Variants in CUX2 observed in about 807,000 individuals in gnomAD.
CUX2 encodes homeobox protein cut-like 2.
A neutral mutation model predicts 144.8 loss-of-function variants in CUX2; 40 were observed. The observed-to-expected ratio is 0.28, with a 90% CI of 0.21 to 0.36. The LOEUF (loss-of-function observed/expected upper bound fraction) is 0.36. Among genes scored for constraint, CUX2 ranks in the 10% least tolerant of loss-of-function variants. The pLI, the probability that CUX2 is intolerant of heterozygous loss-of-function variation, is 1.00. For synonymous variants in CUX2, 827 were observed against 875.6 expected, an observed-to-expected ratio of 0.94 and a Z score of 0.98; for missense variants, 1,615 against 1,994.0, an observed-to-expected ratio of 0.81 and a Z score of 3.62.
At chr12:111,126,964 C>T (rs957933947) in intron 1 of CUX2, among the ~76,000 whole-genome samples, 2 of 152,228 alleles carry the variant, frequency 1.3e-5, no homozygotes, top group Non-Finnish European at 1.5e-5. Context: ...GTGATGTTTA[C>T]TCTTTTCCTT....
chr12:111,217,088 C>T (rs1257848315), intron 2 of CUX2, among the ~76,000 whole-genome samples: 4 of 152,122 alleles, frequency 2.6e-5, no homozygotes, highest in Admixed American at 1.3e-4. Context: ...TTCCCTCTTA[C>T]GTGCCGGGGA....
chr12:111,219,740 G>A (rs1941379074), intron 3 of CUX2, among the ~76,000 whole-genome samples: 1 of 152,192 alleles, frequency 6.6e-6, no homozygotes, highest in Admixed American at 6.5e-5. Flanking sequence ...AGATGCTGGA[G>A]CCAGCCTGGG....
At chr12:111,118,026 T>A (rs1874405119) in intron 1 of CUX2, among the ~76,000 whole-genome samples, 2 of 152,156 alleles carry the variant, frequency 1.3e-5, no homozygotes, top group African/African-American at 4.8e-5. Flanking sequence ...AAACCTCCCT[T>A]TGCAGTTTCA....
chr12:111,054,363 C>T (rs1297184563), intron 1 of CUX2, among the ~76,000 whole-genome samples: 3 of 152,086 alleles, frequency 2.0e-5, no homozygotes, highest in African/African-American at 7.2e-5. Context: ...GCAACCTCAC[C>T]CTAGGCATTA....
intron 1 of CUX2, among the ~76,000 whole-genome samples, chr12:111,128,026 C>T (rs903905794): frequency 6.6e-6 from 1 of 152,202 alleles, no homozygotes; most frequent in South Asian, 2.1e-4. Flanking sequence ...AGAGCCAAAC[C>T]ATATCAGTGG....
intron 19 of CUX2, among the ~76,000 whole-genome samples, chr12:111,337,107 A>G (rs2136438893): frequency 6.6e-6 from 1 of 152,270 alleles, no homozygotes; most frequent in Admixed American, 6.5e-5. Context: ...CCCAGGAGAC[A>G]GAGGTTGCAA....
intron 3 of CUX2, among the ~76,000 whole-genome samples, chr12:111,222,015 A>C (rs968965558): frequency 1.3e-5 from 2 of 152,250 alleles, no homozygotes; most frequent in African/African-American, 4.8e-5. Flanking sequence ...AAAGAGCAAG[A>C]CGAAAGCCTC....
chr12:111,166,776 T>C (rs1878171357), intron 1 of CUX2, among the ~76,000 whole-genome samples: 1 of 152,182 alleles, frequency 6.6e-6, no homozygotes, highest in South Asian at 2.1e-4. Flanking sequence ...TAGCGGACAC[T>C]GCCCAGGACC....
chr12:111,278,763 A>G (rs145364210), intron 4 of CUX2, among the ~76,000 whole-genome samples: 128 of 152,106 alleles, frequency 8.4e-4, no homozygotes, highest in Middle Eastern at 3.4e-3. Flanking sequence ...CTCTCTTTCA[A>G]TTTGTGTTTG....
chr12:111,087,050 C>T (rs1872266299), intron 1 of CUX2, among the ~76,000 whole-genome samples: 1 of 152,070 alleles, frequency 6.6e-6, no homozygotes, highest in Non-Finnish European at 1.5e-5. Flanking sequence ...TCTACCGTAA[C>T]AAGGGACTTA....
At chr12:111,136,146 G>A (rs2136116542) in intron 1 of CUX2, among the ~76,000 whole-genome samples, 1 of 152,068 alleles carries the variant, frequency 6.6e-6, no homozygotes, top group South Asian at 2.1e-4. Flanking sequence ...GGTGTGGATT[G>A]GAGCCGGGAC....
intron 1 of CUX2, among the ~76,000 whole-genome samples, chr12:111,123,013 C>T (rs562400392): frequency 4.6e-5 from 7 of 152,298 alleles, no homozygotes; most frequent in South Asian, 4.2e-4. Context: ...AATGTTTGAT[C>T]GCCTCCTTGG....
At position 111,310,222 on chromosome 12, in the gene CUX2, C is replaced by G; in HGVS notation, c.1440C>G (p.Pro480=). Residue 480 remains proline, a synonymous_variant, in exon 15 of 22, where the codon CCC becomes CCG. Coordinates refer to ENST00000261726, the MANE Select transcript of CUX2 (RefSeq NM_015267.4). The surrounding 1 kb of genome is among the most constrained non-coding windows in gnomAD (Gnocchi z 7.9). Reference sequence around the variant, plus strand: ...GCACTCGGACTTTCTCGCTGTCCCCCTTCCCCAGCCTGGCATCAGGGGAGA... The same window carrying G: ...GCACTCGGACTTTCTCGCTGTCCCCGTTCCCCAGCCTGGCATCAGGGGAGA... ...PDGTRTFSLS[P]FPSLASGERL... 1 of 1,510,594 alleles carries G rather than the reference C, an allele frequency of 6.6e-7. No individual in the cohort carries two copies. The highest frequency in any genetic ancestry group is 8.9e-7 in the Non-Finnish European group (1 of 1,129,810). 93.6% of individuals were successfully genotyped at this position (1,510,594 alleles called of 1,614,324 possible).
At chr12:111,185,742 C>T (rs2136187540) in intron 1 of CUX2, among the ~76,000 whole-genome samples, 1 of 152,306 alleles carries the variant, frequency 6.6e-6, no homozygotes, top group South Asian at 2.1e-4. Flanking sequence ...GGCCCAGCCC[C>T]TACAGTCACA....
chr12:111,274,537 C>G (rs1884772028), intron 4 of CUX2, among the ~76,000 whole-genome samples: 1 of 152,166 alleles, frequency 6.6e-6, no homozygotes. Context: ...CATTCCCAGC[C>G]CTCTGTCCCT....
At chr12:111,079,799 G>A (rs189089494) in intron 1 of CUX2, among the ~76,000 whole-genome samples, 131 of 152,332 alleles carry the variant, frequency 8.6e-4, no homozygotes, top group African/African-American at 2.9e-3. Context: ...GTGTCCACAT[G>A]GGATGTTCCA....
chr12:111,301,031 C>G (rs1461797645), intron 9 of CUX2, among the ~76,000 whole-genome samples: 3 of 129,218 alleles, frequency 2.3e-5, no homozygotes, highest in Admixed American at 1.5e-4. Flanking sequence ...AGAGTGAGAC[C>G]CTATCTCAAA....
At chr12:111,187,137 G>A (rs1022759884) in intron 1 of CUX2, among the ~76,000 whole-genome samples, 1 of 152,226 alleles carries the variant, frequency 6.6e-6, no homozygotes, top group Admixed American at 6.5e-5. Flanking sequence ...CCAGTGCAGA[G>A]CTGGGGCTAT....
At chr12:111,262,825 G>T (rs1418482348) in intron 3 of CUX2, among the ~76,000 whole-genome samples, 2 of 152,178 alleles carry the variant, frequency 1.3e-5, no homozygotes, top group African/African-American at 4.8e-5. Flanking sequence ...TTAGTGGCAA[G>T]AAATATTCTC....
Sources: allele counts gnomAD v4.1 joint callset (sites outside exome capture counted in the v4.1 genomes callset), GRCh38; gene constraint gnomAD v4.1.1; non-coding constraint Gnocchi (gnomAD v3.1); transcripts MANE v1.5; gene names NCBI Gene and HGNC (gene_info 2026-07-23, HGNC 2026-07-21).